Variants in SNTG1 observed in about 807,000 individuals in gnomAD.
The protein encoded by SNTG1 is syntrophin gamma 1.
In SNTG1, 39 loss-of-function variants were observed where a neutral mutation model predicts 74.7. The observed-to-expected ratio is 0.52, with a 90% confidence interval of 0.40 to 0.68. The LOEUF (loss-of-function observed/expected upper bound fraction) is 0.68. Ranked by LOEUF, SNTG1 falls within the 30% of genes least tolerant of loss-of-function variation. SNTG1 has a pLI of 0.00. For synonymous variants in SNTG1, 254 were observed against 217.1 expected (o/e 1.17, Z -1.49); for missense variants, 685 against 609.5 (o/e 1.12, Z -1.30).
At chr8:50,542,404 G>C (rs560045907) in intron 11 of SNTG1, among the ~76,000 whole-genome samples, 1 of 151,794 alleles carries the variant, frequency 6.6e-6, no homozygotes, top group Non-Finnish European at 1.5e-5. Flanking sequence ...TGATCCACCC[G>C]CCTCGGCCTC....
At chr8:50,290,309 C>G (rs1348620229) in intron 2 of SNTG1, among the ~76,000 whole-genome samples, 1 of 152,200 alleles carries the variant, frequency 6.6e-6, no homozygotes, top group African/African-American at 2.4e-5. Context: ...CTCAATACAA[C>G]TCTATAAAAA....
At chr8:50,771,807 C>T (rs920960983) in intron 18 of SNTG1, among the ~76,000 whole-genome samples, 1 of 152,046 alleles carries the variant, frequency 6.6e-6, no homozygotes, top group Admixed American at 6.6e-5. Context: ...GGATGCTGCT[C>T]TCCACATCAA....
chr8:50,020,827 CA>C (rs1816753421), intron 1 of SNTG1, among the ~76,000 whole-genome samples: 1 of 152,082 alleles, frequency 6.6e-6, no homozygotes, highest in Admixed American at 6.6e-5. Flanking sequence ...GACAAAAAGG[CA>C]TTATTTACTT....
chr8:50,186,430 A>G (rs148596188), intron 2 of SNTG1, among the ~76,000 whole-genome samples: 140 of 152,238 alleles, frequency 9.2e-4, no homozygotes, highest in African/African-American at 3.2e-3. Flanking sequence ...ATTCAAATCA[A>G]TCAAAGTCCT....
At chr8:50,517,634 A>AAG (rs889569231) in intron 9 of SNTG1, among the ~76,000 whole-genome samples, 2 of 151,002 alleles carry the variant, frequency 1.3e-5, no homozygotes, top group African/African-American at 4.9e-5. Context: ...AAAAAAAAAA[A>AAG]AAAATAGCAG....
At chr8:50,760,283 C>G (rs1332056742) in intron 18 of SNTG1, among the ~76,000 whole-genome samples, 1 of 152,080 alleles carries the variant, frequency 6.6e-6, no homozygotes, top group Non-Finnish European at 1.5e-5. Flanking sequence ...ATCATGTCAT[C>G]TGCAAACAGA....
chr8:50,517,284 TC>T (rs2094141211), intron 9 of SNTG1, among the ~76,000 whole-genome samples: 1 of 152,068 alleles, frequency 6.6e-6, no homozygotes, highest in South Asian at 2.1e-4. Flanking sequence ...TTACAAGAGT[TC>T]CTGAAAAAAG....
chr8:50,219,915 C>T (rs554214610), intron 2 of SNTG1, among the ~76,000 whole-genome samples: 54 of 152,256 alleles, frequency 3.5e-4, no homozygotes, highest in South Asian at 1.0e-3. Flanking sequence ...GACTTTAAGA[C>T]CAAAAGCTTT....
At chr8:50,423,006 G>C (rs2093114621) in intron 4 of SNTG1, among the ~76,000 whole-genome samples, 2 of 152,072 alleles carry the variant, frequency 1.3e-5, no homozygotes, top group Admixed American at 6.6e-5. Context: ...AGGTGGGTTT[G>C]GGGGGGTTAG....
intron 3 of SNTG1, among the ~76,000 whole-genome samples, chr8:50,395,095 A>G (rs1432812105): frequency 2.6e-5 from 4 of 152,142 alleles, no homozygotes; most frequent in African/African-American, 7.2e-5. Context: ...GTGAAATGTC[A>G]TGTGTTTACA....
intron 17 of SNTG1, among the ~76,000 whole-genome samples, chr8:50,735,217 T>C (rs1336263311): frequency 1.3e-5 from 2 of 151,634 alleles, no homozygotes; most frequent in African/African-American, 4.8e-5. Flanking sequence ...ACATTGGATC[T>C]AAAGACACAG....
intron 2 of SNTG1, among the ~76,000 whole-genome samples, chr8:50,369,008 A>G (rs541754764): frequency 6.6e-6 from 1 of 152,260 alleles, no homozygotes; most frequent in African/African-American, 2.4e-5. Flanking sequence ...TCTTAGTTAG[A>G]TGATTTTAGT....
chr8:50,111,086 G>T (rs2131301421), intron 1 of SNTG1, among the ~76,000 whole-genome samples: 1 of 152,216 alleles, frequency 6.6e-6, no homozygotes, highest in East Asian at 1.9e-4. Flanking sequence ...TGATTATCCA[G>T]ATCCCAGGAA....
At chr8:50,288,148 G>C (rs907059088) in intron 2 of SNTG1, among the ~76,000 whole-genome samples, 2 of 152,126 alleles carry the variant, frequency 1.3e-5, no homozygotes, top group African/African-American at 4.8e-5. Flanking sequence ...AGGGGAGAAT[G>C]GCATTGATTG....
At chr8:50,502,295 C>T (rs549721713) in intron 8 of SNTG1, among the ~76,000 whole-genome samples, 1 of 152,204 alleles carries the variant, frequency 6.6e-6, no homozygotes, top group East Asian at 1.9e-4. Flanking sequence ...GTACTCTGGT[C>T]AATATTGGCA....
At chr8:50,533,899 C>T (rs73585152) in intron 10 of SNTG1, among the ~76,000 whole-genome samples, 7,530 of 152,146 alleles carry the variant, frequency 0.049, 231 homozygotes, top group Middle Eastern at 0.12. Context: ...TAAAACCTAC[C>T]GTACTCATGT....
intron 17 of SNTG1, among the ~76,000 whole-genome samples, chr8:50,734,837 CTA>C (rs1449908080): frequency 1.3e-5 from 1 of 76,142 alleles, no homozygotes; most frequent in Non-Finnish European, 2.6e-5. Flanking sequence ...ATATATATAT[CTA>C]TATATATGGA....
At chr8:49,924,315 T>C (rs1479736958) in intron 1 of SNTG1, among the ~76,000 whole-genome samples, 1 of 152,208 alleles carries the variant, frequency 6.6e-6, no homozygotes, top group Non-Finnish European at 1.5e-5. Flanking sequence ...AAATCTGTGT[T>C]CAACACTTGC....
intron 1 of SNTG1, among the ~76,000 whole-genome samples, chr8:50,012,920 C>A (rs970353179): frequency 6.6e-6 from 1 of 151,978 alleles, no homozygotes; most frequent in Non-Finnish European, 1.5e-5. Flanking sequence ...GCATAAAAGC[C>A]CAGTAAGGAA....
Sources: allele counts gnomAD v4.1 joint callset (sites outside exome capture counted in the v4.1 genomes callset), GRCh38; gene constraint gnomAD v4.1.1; transcripts MANE v1.5; gene names NCBI Gene and HGNC (gene_info 2026-07-23, HGNC 2026-07-21).